GLIS3: variants seen among roughly 807,000 people sequenced by gnomAD.
GLIS3 encodes GLIS family zinc finger 3.
A neutral mutation model predicts 78.6 loss-of-function variants in GLIS3; 53 were observed. The ratio of observed to expected loss-of-function variants is 0.67; its 90% CI spans 0.54 to 0.85. The LOEUF (loss-of-function observed/expected upper bound fraction) is 0.85. Among genes scored for constraint, GLIS3 ranks in the 40% least tolerant of loss-of-function variants. The pLI, the probability that GLIS3 is intolerant of heterozygous loss-of-function variation, is 0.00. For missense variants in GLIS3, 1,703 were observed against 1,231.1 expected (o/e 1.38, Z -5.74); for synonymous variants, 684 against 509.9 (o/e 1.34, Z -4.60).
intron 4 of GLIS3, among the ~76,000 whole-genome samples, chr9:3,993,633 C>T (rs1024469849): frequency 9.2e-5 from 14 of 152,080 alleles, no homozygotes; most frequent in Admixed American, 2.0e-4. Flanking sequence ...CCTACATATG[C>T]CATCATAAGC....
chr9:4,115,544 G>T (rs776558710), intron 4 of GLIS3, among the ~76,000 whole-genome samples: 1 of 152,028 alleles, frequency 6.6e-6, no homozygotes, highest in Non-Finnish European at 1.5e-5. Flanking sequence ...TTAAAAACCA[G>T]GTATTCTATC....
At chr9:4,055,448 G>T (rs1204917857) in intron 4 of GLIS3, among the ~76,000 whole-genome samples, 1 of 152,100 alleles carries the variant, frequency 6.6e-6, no homozygotes, top group East Asian at 1.9e-4. Context: ...CCTGACCATG[G>T]GAGTTCCAAG....
At chr9:4,199,143 C>G (rs1477648679) in intron 2 of GLIS3, among the ~76,000 whole-genome samples, 1 of 152,120 alleles carries the variant, frequency 6.6e-6, no homozygotes, top group African/African-American at 2.4e-5. Flanking sequence ...TCCTATAAAG[C>G]AATCACCCAA....
chr9:4,467,928 A>G, the GLIS3 span, among the ~76,000 whole-genome samples: 1 of 152,234 alleles, frequency 6.6e-6, no homozygotes. Flanking sequence ...AATAAACAGC[A>G]TAGAGAAGAC....
At chr9:4,409,626 T>C in the GLIS3 span, among the ~76,000 whole-genome samples, 1 of 152,276 alleles carries the variant, frequency 6.6e-6, no homozygotes, top group South Asian at 2.1e-4. Context: ...AGAGAAAATA[T>C]TGAAAATTCT....
chr9:3,855,190 G>C (rs555605068), intron 9 of GLIS3, among the ~76,000 whole-genome samples: 1 of 152,144 alleles, frequency 6.6e-6, no homozygotes, highest in African/African-American at 2.4e-5. Context: ...TGCCTGAAAT[G>C]GCAAAATGAG....
intron 4 of GLIS3, among the ~76,000 whole-genome samples, chr9:4,073,182 CAG>C (rs1480575158): frequency 6.6e-6 from 1 of 152,086 alleles, no homozygotes; most frequent in Non-Finnish European, 1.5e-5. Flanking sequence ...ATAGTAGAGA[CAG>C]AGATACATTC....
intron 4 of GLIS3, among the ~76,000 whole-genome samples, chr9:4,013,037 T>G (rs548740414): frequency 6.6e-6 from 1 of 152,046 alleles, no homozygotes; most frequent in Admixed American, 6.6e-5. Flanking sequence ...CCTCCCAAAG[T>G]GCTGGGATTA....
chr9:4,035,551 C>G (rs756893173), intron 4 of GLIS3, among the ~76,000 whole-genome samples: 1 of 151,974 alleles, frequency 6.6e-6, no homozygotes, highest in Non-Finnish European at 1.5e-5. Context: ...TGCCAGTGGC[C>G]TAGTTGAGGC....
At chr9:3,932,626 T>C (rs539102738) in intron 5 of GLIS3, among the ~76,000 whole-genome samples, 156 bp from the exon 6 acceptor site, 1 of 152,326 alleles carries the variant, frequency 6.6e-6, no homozygotes, top group Non-Finnish European at 1.5e-5. Context: ...TTACAAAGTC[T>C]AGTAACTTTG....
At chr9:3,920,115 C>T (rs547724913) in intron 6 of GLIS3, among the ~76,000 whole-genome samples, 63 of 151,732 alleles carry the variant, frequency 4.2e-4, no homozygotes, top group Admixed American at 3.5e-3. Flanking sequence ...ACCATTCTCC[C>T]GCCTCAGCCT....
At chr9:4,246,244 A>C (rs7874484) in intron 2 of GLIS3, among the ~76,000 whole-genome samples, 2 of 152,136 alleles carry the variant, frequency 1.3e-5, no homozygotes, top group African/African-American at 4.8e-5. Flanking sequence ...CAAAAGAAAC[A>C]AATTAAACAC....
the GLIS3 span, among the ~76,000 whole-genome samples, chr9:4,398,734 C>G: frequency 6.6e-6 from 1 of 152,160 alleles, no homozygotes; most frequent in African/African-American, 2.4e-5. Flanking sequence ...TGTCACCCAG[C>G]TGGAGTCCAG....
At chr9:4,363,590 C>T in the GLIS3 span, among the ~76,000 whole-genome samples, 2 of 152,128 alleles carry the variant, frequency 1.3e-5, no homozygotes, top group Admixed American at 6.5e-5. Flanking sequence ...ATACATATTG[C>T]AGCAATAAGA....
At chr9:4,217,821 G>T (rs868236964) in intron 2 of GLIS3, among the ~76,000 whole-genome samples, 1 of 152,106 alleles carries the variant, frequency 6.6e-6, no homozygotes, top group East Asian at 1.9e-4. Context: ...CAAACAAAGG[G>T]ATTTCCGTGG....
chr9:4,418,101 C>T, the GLIS3 span, among the ~76,000 whole-genome samples: 1 of 152,188 alleles, frequency 6.6e-6, no homozygotes, highest in Non-Finnish European at 1.5e-5. Flanking sequence ...AATTGAGAAA[C>T]ACTGGGCTAG....
At chr9:4,116,850 CAT>C (rs1387055590) in intron 4 of GLIS3, among the ~76,000 whole-genome samples, 2 of 152,276 alleles carry the variant, frequency 1.3e-5, no homozygotes, top group African/African-American at 2.4e-5. Flanking sequence ...ATATAAAACA[CAT>C]GTTCTTCTTT....
chr9:4,417,924 G>A, the GLIS3 span, among the ~76,000 whole-genome samples: 18 of 152,166 alleles, frequency 1.2e-4, no homozygotes, highest in African/African-American at 3.9e-4. Flanking sequence ...ATAGGTTTAG[G>A]GGTTGGGGAA....
At chr9:4,011,824 T>C (rs922732016) in intron 4 of GLIS3, among the ~76,000 whole-genome samples, 1 of 152,208 alleles carries the variant, frequency 6.6e-6, no homozygotes, top group African/African-American at 2.4e-5. Context: ...AAACTGGGCA[T>C]ATCTGCTCTT....
Sources: allele counts gnomAD v4.1 joint callset (sites outside exome capture counted in the v4.1 genomes callset), GRCh38; gene constraint gnomAD v4.1.1; transcripts MANE v1.5; gene names NCBI Gene and HGNC (gene_info 2026-07-23, HGNC 2026-07-21).